ACSL1: variants seen among roughly 807,000 people sequenced by gnomAD.
ACSL1 encodes the protein long-chain-fatty-acid--CoA ligase 1.
ACSL1 carries 41 observed loss-of-function variants against 98.4 expected under a neutral mutation model. The observed-to-expected ratio is 0.42, with a 90% CI of 0.32 to 0.54. ACSL1 has a LOEUF of 0.54. Among genes scored for constraint, ACSL1 ranks in the 20% least tolerant of loss-of-function variants. The pLI is 0.13. For missense variants in ACSL1, 734 were observed against 883.1 expected, an observed-to-expected ratio of 0.83 and a Z score of 2.14; for synonymous variants, 316 against 322.7, an observed-to-expected ratio of 0.98 and a Z score of 0.22.
chr4:184,765,599 A>G (rs1463655303), intron 14 of ACSL1, among the ~76,000 whole-genome samples: 2 of 152,176 alleles, frequency 1.3e-5, no homozygotes, highest in African/African-American at 4.8e-5. Context: ...AGAGCTAACA[A>G]CAATGTATCA....
intron 3 of ACSL1, among the ~76,000 whole-genome samples, chr4:184,787,725 G>A (rs368068384): frequency 4.6e-5 from 7 of 152,176 alleles, no homozygotes; most frequent in African/African-American, 1.4e-4. Flanking sequence ...TTAGCTGGGC[G>A]TGGTGGTGCA....
In ACSL1 at chr4:184,765,798, C is replaced by T. The variant is rs1223797604; in HGVS notation, c.1359+93G>A. 5.3e-6 allele frequency: 5 copies of T among 934,694 alleles called. No homozygotes were observed. In the Admixed American group the frequency reaches 1.0e-4, roughly 20 times the overall value. 57.9% of individuals were successfully genotyped at this position (934,694 alleles called of 1,614,324 possible). On this transcript the variant is annotated intron_variant, in intron 14 of 20. Transcript: ENST00000281455. The stretch of plus-strand genomic sequence containing the variant: ...TACGCTTGTCAATTAAGAAAGAACA[C>T]ACACACACACACACAGTACAGATGA...
intron 10 of ACSL1, among the ~76,000 whole-genome samples, chr4:184,771,279 C>G (rs57981372): frequency 6.6e-6 from 1 of 152,118 alleles, no homozygotes; most frequent in Non-Finnish European, 1.5e-5. Flanking sequence ...TATTTCATCA[C>G]TACAGTATCC....
chr4:184,815,492 G>GT (rs1397990780), intron 1 of ACSL1, among the ~76,000 whole-genome samples: 4 of 152,102 alleles, frequency 2.6e-5, no homozygotes. Flanking sequence ...CCAGGCCTGG[G>GT]GGGGGAAACT....
Position 184,757,257 on chromosome 4 carries a change from G to A in ACSL1, c.1965C>T (p.Gly655=), listed in dbSNP as rs778459533. The A allele has an allele frequency of 1.3e-6, 2 of 1,592,616 alleles. No homozygotes were observed. The highest frequency in any genetic ancestry group is 1.7e-6 in the Non-Finnish European group (2 of 1,164,262). The part of the protein sequence containing the change: ...SGLKPFEQVK[G]ITLHPELFSI... ...AAAATAATTCAGGGTGCAATGTGATGCCTTTGACCTGCCAATAAACAAGGC... is the reference window on the plus strand; with the variant it reads ...AAAATAATTCAGGGTGCAATGTGATACCTTTGACCTGCCAATAAACAAGGC... Residue 655 remains glycine (G), a synonymous_variant, in exon 21 of 21, where the codon GGC becomes GGT. Coordinates refer to ENST00000281455, the MANE Select transcript of ACSL1 (RefSeq NM_001995.5). The surrounding 1 kb of genome is among the most constrained non-coding windows in gnomAD (Gnocchi z 4.5).
At chr4:184,814,062 G>A (rs375321791) in intron 1 of ACSL1, among the ~76,000 whole-genome samples, 14 of 152,038 alleles carry the variant, frequency 9.2e-5, no homozygotes, top group East Asian at 5.8e-4. Flanking sequence ...AGGCCGAGGC[G>A]GGTGGATCAC....
intron 2 of ACSL1, among the ~76,000 whole-genome samples, chr4:184,789,623 T>G (rs534435116): frequency 2.6e-5 from 4 of 152,252 alleles, no homozygotes; most frequent in African/African-American, 9.6e-5. Flanking sequence ...GCTGTGCACC[T>G]TTCTCTAAGT....
At position 184,768,325 on chromosome 4, in the gene ACSL1, C is replaced by T. The variant is rs1763945189; in HGVS notation, c.1119G>A (p.Met373Ile). The T allele has an allele frequency of 1.2e-6, 2 of 1,611,724 alleles. No individual in the cohort carries two copies. The highest frequency in any genetic ancestry group is 1.7e-6 in the Non-Finnish European group (2 of 1,179,490). ...GCTGCTTGGAACTTACTCGGTCAAACATCCGGTTCAGCAGTCTTGGAACCA... is the reference window on the plus strand; with the variant it reads ...GCTGCTTGGAACTTACTCGGTCAAATATCCGGTTCAGCAGTCTTGGAACCA... The part of the protein sequence containing the change: ...FPVVPRLLNR[M>I]FDRIFGQANT... Residue 373 changes from methionine to isoleucine, a missense_variant, in exon 12 of 21, where the codon ATG becomes ATA. Transcript: ENST00000281455.
At chr4:184,774,128 C>A (rs949418673) in intron 7 of ACSL1, among the ~76,000 whole-genome samples, 1 of 152,170 alleles carries the variant, frequency 6.6e-6, no homozygotes, top group Non-Finnish European at 1.5e-5. Flanking sequence ...GGTATTAGGA[C>A]TGGTCTTTGA....
intron 3 of ACSL1, among the ~76,000 whole-genome samples, chr4:184,787,628 C>T (rs1184237626): frequency 6.6e-6 from 1 of 152,004 alleles, no homozygotes; most frequent in African/African-American, 2.4e-5. Flanking sequence ...CTTTGGGAGG[C>T]CGAGGTGGGT....
intron 4 of ACSL1, among the ~76,000 whole-genome samples, chr4:184,781,064 G>A (rs1348963358): frequency 2.0e-5 from 3 of 151,874 alleles, no homozygotes; most frequent in South Asian, 2.1e-4. Flanking sequence ...GTAAAACCCC[G>A]TCTCTACTGA....
intron 5 of ACSL1, 85 bp downstream of exon 5, chr4:184,780,247 A>G: frequency 8.7e-7 from 1 of 1,143,818 alleles, no homozygotes; most frequent in Admixed American, 1.9e-5. Flanking sequence ...AAATCAGACT[A>G]CAAAATCTGG....
At chr4:184,813,968 C>G in intron 1 of ACSL1, 1 of 439,208 alleles carries the variant, frequency 2.3e-6, no homozygotes, top group South Asian at 1.6e-5. Flanking sequence ...TTCCCATCTT[C>G]CCGTGGTGAC....
intron 1 of ACSL1, among the ~76,000 whole-genome samples, chr4:184,814,610 T>C (rs1294900228): frequency 1.3e-5 from 2 of 152,180 alleles, no homozygotes; most frequent in African/African-American, 4.8e-5. Context: ...AAAATTAATA[T>C]AAAACTTGCC....
At chr4:184,789,271 T>C (rs1767940346) in intron 2 of ACSL1, among the ~76,000 whole-genome samples, 1 of 152,156 alleles carries the variant, frequency 6.6e-6, no homozygotes, top group South Asian at 2.1e-4. Flanking sequence ...TCCTGCCGGA[T>C]AAGGCCAAAG....
At chr4:184,797,364 C>T (rs1185546323) in intron 2 of ACSL1, among the ~76,000 whole-genome samples, 1 of 152,182 alleles carries the variant, frequency 6.6e-6, no homozygotes, top group African/African-American at 2.4e-5. Context: ...CCTTTACATG[C>T]GTACATGTGT....
intron 11 of ACSL1, among the ~76,000 whole-genome samples, chr4:184,769,070 AATAT>A (rs34360556): frequency 0.42 from 61,666 of 147,542 alleles, 13,114 homozygotes; most frequent in East Asian, 0.68. Flanking sequence ...CTCTGTCTCA[AATAT>A]ATATATATAT....
At chr4:184,811,396 G>A (rs543848838) in intron 1 of ACSL1, among the ~76,000 whole-genome samples, 22 of 152,226 alleles carry the variant, frequency 1.4e-4, no homozygotes, top group Admixed American at 1.0e-3. Flanking sequence ...ACAGGTGTGA[G>A]CCACCGCGCC....
chr4:184,802,265 A>T (rs1232587107), intron 2 of ACSL1, among the ~76,000 whole-genome samples: 1 of 152,254 alleles, frequency 6.6e-6, no homozygotes, highest in Non-Finnish European at 1.5e-5. Flanking sequence ...ACTTGTCTAA[A>T]ATAAAACAAA....
Sources: allele counts gnomAD v4.1 joint callset (sites outside exome capture counted in the v4.1 genomes callset), GRCh38; gene constraint gnomAD v4.1.1; non-coding constraint Gnocchi (gnomAD v3.1); transcripts MANE v1.5; gene names NCBI Gene and HGNC (gene_info 2026-07-23, HGNC 2026-07-21).